The following THAP5 variants were observed in gnomAD, a reference collection of about 807,000 sequenced individuals.
The protein encoded by THAP5 is THAP domain containing 5.
Under a neutral mutation model 34.0 loss-of-function variants are expected in THAP5, and 26 were observed. That is an observed-to-expected ratio of 0.77 (90% confidence interval 0.56 to 1.06). The LOEUF is 1.06. Ranked by LOEUF, THAP5 falls within the 50% of genes least tolerant of loss-of-function variation. THAP5 has a pLI of 0.00. For missense variants in THAP5, 394 were observed against 452.8 expected (o/e 0.87, Z 1.18); for synonymous variants, 125 against 153.0 (o/e 0.82, Z 1.35).
chr7:108,550,788 C>A (rs73426197), downstream of THAP5, among the ~76,000 whole-genome samples: 21 of 152,164 alleles, frequency 1.4e-4, no homozygotes, highest in Non-Finnish European at 2.8e-4. Flanking sequence ...CAATAAGGCT[C>A]ACCCTAATGG....
At chr7:108,542,272 T>A in the THAP5 span, among the ~76,000 whole-genome samples, 4 of 152,230 alleles carry the variant, frequency 2.6e-5, no homozygotes, top group Non-Finnish European at 4.4e-5. Context: ...ATATCACAAA[T>A]GTCTATAAGG....
At chr7:108,568,052 GAGAT>G (rs2154518154) in intron 1 of THAP5, among the ~76,000 whole-genome samples, 1 of 152,310 alleles carries the variant, frequency 6.6e-6, no homozygotes, top group Non-Finnish European at 1.5e-5. Flanking sequence ...AACATTCTCA[GAGAT>G]AGAGCCATTA....
intron 1 of THAP5, chr7:108,569,216 T>G: frequency 1.5e-6 from 2 of 1,348,886 alleles, no homozygotes; most frequent in Non-Finnish European, 9.5e-7. Context: ...GGGAAAAGAC[T>G]GAAAACCACA....
downstream of THAP5, among the ~76,000 whole-genome samples, chr7:108,561,411 G>A (rs1318520378): frequency 2.7e-5 from 4 of 147,476 alleles, no homozygotes; most frequent in Non-Finnish European, 5.9e-5. Context: ...ATACAGGCAC[G>A]CACCACCATG....
In THAP5 at chr7:108,569,669, G is replaced by C. The variant is rs1790572572; in HGVS notation, c.-100C>G. 2.8e-6 allele frequency: 4 copies of C among 1,446,620 alleles called. No individual in the cohort carries two copies. The highest frequency in any genetic ancestry group is 1.4e-5 in the African/African-American group (1 of 70,808). 89.6% of individuals were successfully genotyped at this position (1,446,620 alleles called of 1,614,324 possible). ...AGGTCCAGGCCTCTCGAGCCCCTGCGCCTGCGCTAGCATTCTGCCGGGAAA... is the reference window on the plus strand; with the variant it reads ...AGGTCCAGGCCTCTCGAGCCCCTGCCCCTGCGCTAGCATTCTGCCGGGAAA... On this transcript the variant is annotated 5_prime_UTR_variant, in exon 1 of 3. Coordinates refer to ENST00000415914, the MANE Select transcript of THAP5 (RefSeq NM_001130475.3).
intron 1 of THAP5, chr7:108,569,112 T>TA: frequency 2.8e-6 from 3 of 1,053,170 alleles, no homozygotes; most frequent in East Asian, 7.2e-5. Flanking sequence ...GCGGGGGGTG[T>TA]AAATTAACTT....
In THAP5 at chr7:108,563,246, G is replaced by A. The variant is rs1276979426; in HGVS notation, c.*945C>T. Reference sequence around the variant, plus strand: ...GTTCAACTGGAATAAAATTATAAAAGTTCTATCTTGGCCAGGCGCGGTGGC... The same window carrying A: ...GTTCAACTGGAATAAAATTATAAAAATTCTATCTTGGCCAGGCGCGGTGGC... On this transcript the variant is annotated 3_prime_UTR_variant, in exon 3 of 3. Coordinates refer to ENST00000415914, the MANE Select transcript of THAP5 (RefSeq NM_001130475.3). 1 of 152,032 alleles carries A rather than the reference G, an allele frequency of 6.6e-6. No homozygotes were observed. The highest frequency in any genetic ancestry group is 1.5e-5 in the Non-Finnish European group (1 of 67,998). 9.4% of individuals were successfully genotyped at this position (152,032 alleles called of 1,614,324 possible). A position where few individuals can be genotyped will look rare whatever the true frequency, so the allele number is the denominator to read the frequency against.
chr7:108,543,027 A>T, the THAP5 span, among the ~76,000 whole-genome samples: 2 of 152,022 alleles, frequency 1.3e-5, no homozygotes, highest in African/African-American at 4.8e-5. Flanking sequence ...CCCAGGTTCA[A>T]GCAATTCGCC....
downstream of THAP5, among the ~76,000 whole-genome samples, chr7:108,551,413 T>C (rs1220280631): frequency 6.6e-6 from 1 of 152,228 alleles, no homozygotes; most frequent in Non-Finnish European, 1.5e-5. Flanking sequence ...GACACAATGT[T>C]CATCCTCTCT....
downstream of THAP5, among the ~76,000 whole-genome samples, chr7:108,549,817 A>C (rs770276110): frequency 5.3e-5 from 8 of 152,110 alleles, no homozygotes; most frequent in Non-Finnish European, 1.2e-4. Context: ...AATGATTTCC[A>C]TCTTTGAAGA....
chr7:108,549,519 G>A, the THAP5 span, among the ~76,000 whole-genome samples: 1 of 151,906 alleles, frequency 6.6e-6, no homozygotes, highest in Non-Finnish European at 1.5e-5. Flanking sequence ...TCTACCCCTT[G>A]CTTCTGACCC....
At chr7:108,567,089 T>C (rs1269658786) in intron 1 of THAP5, among the ~76,000 whole-genome samples, 2 of 152,134 alleles carry the variant, frequency 1.3e-5, no homozygotes, top group Non-Finnish European at 2.9e-5. Flanking sequence ...CCCTAAATTC[T>C]GGTAACTTTT....
At chr7:108,552,417 C>A (rs549746768), downstream of THAP5, among the ~76,000 whole-genome samples, 1 of 152,338 alleles carries the variant, frequency 6.6e-6, no homozygotes. Context: ...ACAAAGACAG[C>A]TACTACTCAT....
At chr7:108,565,612 T>G in intron 2 of THAP5, 1 of 371,302 alleles carries the variant, frequency 2.7e-6, no homozygotes, top group Admixed American at 4.2e-5. Context: ...CTTGTGTTAA[T>G]AACTTAATAA....
At chr7:108,556,973 C>T (rs767875398) in intron 1 of THAP5, among the ~76,000 whole-genome samples, 6 of 152,266 alleles carry the variant, frequency 3.9e-5, no homozygotes, top group Non-Finnish European at 5.9e-5. Flanking sequence ...GCCTTCTGCA[C>T]ACCCACAGTC....
chr7:108,545,193 T>C, the THAP5 span, among the ~76,000 whole-genome samples: 1 of 152,176 alleles, frequency 6.6e-6, no homozygotes, highest in Non-Finnish European at 1.5e-5. Context: ...TGAATTGATA[T>C]AAGATTTAAA....
the THAP5 span, among the ~76,000 whole-genome samples, chr7:108,547,296 G>C: frequency 1.9e-3 from 287 of 152,198 alleles, 4 homozygotes; most frequent in Non-Finnish European, 4.3e-4. Context: ...TTTTCATTTA[G>C]ACTAACCAAG....
the THAP5 span, among the ~76,000 whole-genome samples, chr7:108,544,643 T>C: frequency 6.6e-6 from 1 of 151,958 alleles, no homozygotes; most frequent in African/African-American, 2.4e-5. Context: ...CCATAAATTC[T>C]TTAGTAATTA....
chr7:108,569,647 T>C lies in THAP5; in HGVS notation c.-78A>G, dbSNP rs1209456296. 2 of 1,519,000 alleles carry C rather than the reference T, an allele frequency of 1.3e-6. No individual in the cohort carries two copies. Among genetic ancestry groups the C allele is most frequent in the African/African-American group, 2.8e-5 (2 of 72,422 alleles). 94.1% of individuals were successfully genotyped at this position (1,519,000 alleles called of 1,614,324 possible). ...CTCCTCACTGAGGATGCGCCACAGG[T>C]CCAGGCCTCTCGAGCCCCTGCGCCT... On this transcript the variant is annotated 5_prime_UTR_variant, in exon 1 of 3. Coordinates refer to ENST00000415914, the MANE Select transcript of THAP5 (RefSeq NM_001130475.3).
Sources: gnomAD v4.1 joint callset for allele counts (sites outside exome capture counted in the v4.1 genomes callset) on GRCh38, gnomAD v4.1.1 for gene constraint, MANE v1.5 for transcripts, NCBI Gene and HGNC (gene_info 2026-07-23, HGNC 2026-07-21) for gene names.